TSPAN7: variants seen among roughly 807,000 people sequenced by gnomAD.
TSPAN7 encodes tetraspanin 7, also known as tetraspanin-7.
Under a neutral mutation model 17.6 loss-of-function variants are expected in TSPAN7, and 1 was observed. The observed-to-expected ratio is 0.06, with a 90% CI of 0.02 to 0.27. The LOEUF (loss-of-function observed/expected upper bound fraction) is 0.27. Among genes scored for constraint, TSPAN7 ranks in the 10% least tolerant of loss-of-function variants. TSPAN7 has a pLI of 1.00. For missense variants in TSPAN7, 112 were observed against 201.7 expected (o/e 0.56, Z 2.69); for synonymous variants, 78 against 79.0 (o/e 0.99, Z 0.07).
At chrX:38,599,784 T>C (rs1287933834) in intron 1 of TSPAN7, among the ~76,000 whole-genome samples, 1 of 112,021 alleles carries the variant, frequency 8.9e-6, no homozygotes, top group Non-Finnish European at 1.9e-5. Flanking sequence ...GTTTCTTCCA[T>C]GTTGCATATC....
intron 1 of TSPAN7, among the ~76,000 whole-genome samples, chrX:38,620,518 A>G (rs1466643618): frequency 9.0e-6 from 1 of 111,568 alleles, no homozygotes; most frequent in African/African-American, 3.3e-5. Flanking sequence ...AATGAGACAG[A>G]GGACTTGTTA....
intron 1 of TSPAN7, among the ~76,000 whole-genome samples, chrX:38,589,418 G>A (rs2069278061): frequency 8.9e-6 from 1 of 111,818 alleles, no homozygotes; most frequent in Admixed American, 9.5e-5. Context: ...ATGATTAGTA[G>A]CACTTAAATC....
At chrX:38,648,844 C>T (rs980791910) in intron 1 of TSPAN7, among the ~76,000 whole-genome samples, 4 of 105,563 alleles carry the variant, frequency 3.8e-5, no homozygotes, top group African/African-American at 1.4e-4. Context: ...CACTTGAGCC[C>T]GGGAGGTGGA....
chrX:38,644,782 G>A (rs1050806831), intron 1 of TSPAN7, among the ~76,000 whole-genome samples: 6 of 112,370 alleles, frequency 5.3e-5, no homozygotes, highest in Non-Finnish European at 1.1e-4. Flanking sequence ...TGCTTCTGAT[G>A]TACAAGGTGT....
intron 4 of TSPAN7, 71 bp downstream of exon 4, chrX:38,674,387 G>T: frequency 1.1e-6 from 1 of 950,218 alleles, no homozygotes; most frequent in Non-Finnish European, 1.5e-6. Context: ...ACTGCCTGTA[G>T]GTTGGCCCAG....
intron 1 of TSPAN7, among the ~76,000 whole-genome samples, chrX:38,650,787 T>G (rs1246641121): frequency 1.8e-5 from 2 of 111,642 alleles, no homozygotes; most frequent in Non-Finnish European, 3.8e-5. Flanking sequence ...ACTTCTCATT[T>G]GTCTAAGACC....
At chrX:38,669,302 T>C (rs768754739) in intron 2 of TSPAN7, among the ~76,000 whole-genome samples, 42 of 111,848 alleles carry the variant, frequency 3.8e-4, no homozygotes, top group Middle Eastern at 4.6e-3. Context: ...TGGGTGCGTA[T>C]GATATTTTAT....
chrX:38,634,718 C>T (rs1437495840), intron 1 of TSPAN7, among the ~76,000 whole-genome samples: 4 of 111,467 alleles, frequency 3.6e-5, no homozygotes, highest in South Asian at 3.8e-4. Context: ...GCTCCTTTTC[C>T]TTCATGAGGG....
intron 3 of TSPAN7, among the ~76,000 whole-genome samples, chrX:38,673,492 C>T (rs1341210468): frequency 9.2e-6 from 1 of 108,774 alleles, no homozygotes. Context: ...CTCAGCCACC[C>T]AAGTAGCTGG....
At chrX:38,620,593 C>T (rs1211562310) in intron 1 of TSPAN7, among the ~76,000 whole-genome samples, 1 of 111,626 alleles carries the variant, frequency 9.0e-6, no homozygotes, top group Non-Finnish European at 1.9e-5. Flanking sequence ...CCCTCCTCAA[C>T]TCCAGCAGTG....
At chrX:38,577,680 G>T (rs2069202782) in intron 1 of TSPAN7, among the ~76,000 whole-genome samples, 1 of 81,755 alleles carries the variant, frequency 1.2e-5, no homozygotes, top group African/African-American at 4.5e-5. Flanking sequence ...GGGGGAGGGG[G>T]GAGGGATAGC....
At chrX:38,577,177 C>T (rs1044565257) in intron 1 of TSPAN7, among the ~76,000 whole-genome samples, 1 of 111,514 alleles carries the variant, frequency 9.0e-6, no homozygotes, top group Admixed American at 9.5e-5. Context: ...TTAGAAAAAG[C>T]GGGTTTGAGA....
intron 1 of TSPAN7, among the ~76,000 whole-genome samples, chrX:38,572,973 G>T (rs371527519): frequency 9.0e-6 from 1 of 111,341 alleles, no homozygotes; most frequent in African/African-American, 3.3e-5. Context: ...GTGACCTTAG[G>T]CAAATCACTT....
intron 6 of TSPAN7, among the ~76,000 whole-genome samples, chrX:38,686,031 T>A (rs1286019063): frequency 8.9e-6 from 1 of 112,288 alleles, no homozygotes; most frequent in Non-Finnish European, 1.9e-5. Flanking sequence ...AGACAAGCTA[T>A]AAGGTTCAAG....
intron 1 of TSPAN7, among the ~76,000 whole-genome samples, chrX:38,576,045 G>A (rs1424264322): frequency 1.8e-5 from 2 of 111,865 alleles, no homozygotes; most frequent in Non-Finnish European, 3.8e-5. Context: ...TATATTGTGG[G>A]CCATATAGTC....
intron 1 of TSPAN7, among the ~76,000 whole-genome samples, chrX:38,629,200 C>T (rs1018535177): frequency 8.9e-6 from 1 of 112,282 alleles, no homozygotes; most frequent in East Asian, 2.8e-4. Flanking sequence ...TTGCACTAGC[C>T]ACGTTTCGAG....
chrX:38,686,829 A>G, intron 6 of TSPAN7, among the ~76,000 whole-genome samples: 2 of 111,902 alleles, frequency 1.8e-5, no homozygotes, highest in Middle Eastern at 9.2e-3. Flanking sequence ...CACAGTTTAG[A>G]TCAAGGCACA....
chrX:38,645,468 T>C (rs1259089897), intron 1 of TSPAN7, among the ~76,000 whole-genome samples: 1 of 111,146 alleles, frequency 9.0e-6, no homozygotes, highest in African/African-American at 3.3e-5. Context: ...GATGGGAAGA[T>C]GGCGAGCTCA....
At chrX:38,608,066 C>G (rs1392722279) in intron 1 of TSPAN7, 1 of 110,219 alleles carries the variant, frequency 9.1e-6, no homozygotes, top group Non-Finnish European at 1.9e-5. Flanking sequence ...AGAAATAAAG[C>G]AAAGGGGAGG....
Sources: gnomAD v4.1 joint callset for allele counts (sites outside exome capture counted in the v4.1 genomes callset) on GRCh38, gnomAD v4.1.1 for gene constraint, MANE v1.5 for transcripts, NCBI Gene and HGNC (gene_info 2026-07-23, HGNC 2026-07-21) for gene names.